The following MAPK9 variants were observed in gnomAD, a reference collection of about 807,000 sequenced individuals.
MAPK9 encodes Jun kinase.
A neutral mutation model predicts 57.1 loss-of-function variants in MAPK9; 30 were observed. That is an observed-to-expected ratio of 0.53 (90% CI 0.39 to 0.71). The LOEUF (loss-of-function observed/expected upper bound fraction) is 0.71. Ranked by LOEUF, MAPK9 falls within the 30% of genes least tolerant of loss-of-function variation. The pLI, the probability that MAPK9 is intolerant of heterozygous loss-of-function variation, is 0.00. For synonymous variants in MAPK9, 155 were observed against 177.0 expected, an observed-to-expected ratio of 0.88 and a Z score of 0.99; for missense variants, 362 against 521.0, an observed-to-expected ratio of 0.69 and a Z score of 2.97.
At position 180,272,747 on chromosome 5, in the gene MAPK9, G is replaced by A. The variant is rs189376414; in HGVS notation, c.123-3338C>T. Among the ~76,000 whole-genome samples, 5 of 152,278 alleles carry A rather than the reference G, an allele frequency of 3.3e-5. No individual in the cohort carries two copies. In the South Asian group the frequency reaches 6.2e-4, roughly 19 times the overall value. On this transcript the variant is annotated intron_variant, in intron 2 of 11. Transcript: ENST00000452135. The stretch of plus-strand genomic sequence containing the variant: ...ATAACTATATCACATTACGTTGATA[G>A]ATATTTCAGTTGTTTTTAGTTTTCA...
intron 2 of MAPK9, among the ~76,000 whole-genome samples, chr5:180,272,180 T>C (rs1434333601): frequency 2.6e-5 from 4 of 152,210 alleles, no homozygotes; most frequent in Non-Finnish European, 5.9e-5. Context: ...CAGTCCCCAC[T>C]GCTTCTTGCA....
intron 2 of MAPK9, among the ~76,000 whole-genome samples, chr5:180,271,611 G>A (rs193035638): frequency 1.8e-3 from 274 of 152,260 alleles, no homozygotes; most frequent in African/African-American, 6.4e-3. Context: ...TCATAACTAA[G>A]TCTTCTGTAT....
intron 5 of MAPK9, among the ~76,000 whole-genome samples, chr5:180,261,026 G>T (rs1407968865): frequency 1.3e-5 from 2 of 152,066 alleles, no homozygotes; most frequent in African/African-American, 4.8e-5. Context: ...AGCTTAGAGA[G>T]AATTATATTA....
chr5:180,281,994 C>T (rs567517036), intron 1 of MAPK9, among the ~76,000 whole-genome samples: 1 of 152,324 alleles, frequency 6.6e-6, no homozygotes, highest in Non-Finnish European at 1.5e-5. Context: ...TGAGCTGGAA[C>T]ACCTGCCTAG....
At chr5:180,255,742 G>T (rs897596625) in intron 5 of MAPK9, among the ~76,000 whole-genome samples, 1 of 152,140 alleles carries the variant, frequency 6.6e-6, no homozygotes, top group African/African-American at 2.4e-5. Flanking sequence ...GTGAGGGCTG[G>T]GTTGGTAAGA....
chr5:180,268,836 A>AG (rs1175396804), intron 3 of MAPK9, among the ~76,000 whole-genome samples: 19 of 149,166 alleles, frequency 1.3e-4, no homozygotes, highest in Admixed American at 4.0e-4. Context: ...CCAAAAAAAA[A>AG]GAATGTTATC....
intron 2 of MAPK9, among the ~76,000 whole-genome samples, chr5:180,272,414 C>G (rs2127610586): frequency 6.6e-6 from 1 of 152,308 alleles, no homozygotes; most frequent in East Asian, 1.9e-4. Context: ...TGTACTGATT[C>G]CTTTGCTTCT....
intron 3 of MAPK9, 30 bp from the exon 4 acceptor site, chr5:180,264,869 T>A (rs761905364): frequency 2.0e-6 from 3 of 1,473,320 alleles, no homozygotes; most frequent in Non-Finnish European, 2.8e-6. Context: ...TATACTTCAA[T>A]ATGTCAGATT....
At chr5:180,252,111 G>A (rs1056244687) in intron 5 of MAPK9, among the ~76,000 whole-genome samples, 2 of 152,152 alleles carry the variant, frequency 1.3e-5, no homozygotes, top group Non-Finnish European at 2.9e-5. Context: ...AGGGGTCAGG[G>A]CATAAGTGAA....
chr5:180,255,678 G>A (rs1484198873), intron 5 of MAPK9, among the ~76,000 whole-genome samples: 2 of 152,120 alleles, frequency 1.3e-5, no homozygotes, highest in African/African-American at 2.4e-5. Context: ...ATGACGCAAC[G>A]AGCCAAACAC....
At chr5:180,238,511 AT>A in intron 10 of MAPK9, 108 bp from the exon 11 acceptor site, 1 of 772,918 alleles carries the variant, frequency 1.3e-6, no homozygotes, top group South Asian at 1.6e-5. Context: ...GCGATTTGTT[AT>A]TTTTAATTGT....
At chr5:180,265,262 A>G (rs1216746234) in intron 3 of MAPK9, among the ~76,000 whole-genome samples, 1 of 152,152 alleles carries the variant, frequency 6.6e-6, no homozygotes. Flanking sequence ...TCATATTTTT[A>G]CCTAAAGAGG....
In MAPK9 at chr5:180,247,157, T is replaced by A; in HGVS notation, c.688+282A>T. The A allele has an allele frequency of 2.0e-6, 1 of 488,984 alleles. No individual in the cohort carries two copies. The allele number at this position is 488,984 out of a possible 1,614,324, so 30.3% of individuals were successfully genotyped here. A position where few individuals can be genotyped will look rare whatever the true frequency, so the allele number is the denominator to read the frequency against. On this transcript the variant is annotated intron_variant, in intron 7 of 11. Coordinates refer to ENST00000452135, the MANE Select transcript of MAPK9 (RefSeq NM_002752.5). This position sits in a 1 kb window ranked among gnomAD's most constrained non-coding sequence, Gnocchi z 4.5. ...ACTTATCAAAGAGTAAATAATTTCT[T>A]CTATGTGTCCAGCTATTTTTGGCAA...
At chr5:180,252,006 G>A (rs1758762486) in intron 5 of MAPK9, among the ~76,000 whole-genome samples, 1 of 152,144 alleles carries the variant, frequency 6.6e-6, no homozygotes, top group Non-Finnish European at 1.5e-5. Context: ...CACTCTTGAG[G>A]ATGAATGGAC....
intron 2 of MAPK9, chr5:180,279,818 C>T (rs1202194223): frequency 3.1e-5 from 14 of 456,304 alleles, no homozygotes; most frequent in South Asian, 9.3e-5. Context: ...CGTGATGCTG[C>T]GGCGGCTGAC....
chr5:180,286,148 C>CG (rs1554129676), intron 1 of MAPK9, among the ~76,000 whole-genome samples: 1 of 111,590 alleles, frequency 9.0e-6, no homozygotes, highest in African/African-American at 3.5e-5. Flanking sequence ...TCTTTCTTTT[C>CG]TTTTTTTTTT....
chr5:180,244,090 C>G (rs1168633860), intron 7 of MAPK9, among the ~76,000 whole-genome samples: 1 of 152,168 alleles, frequency 6.6e-6, no homozygotes, highest in East Asian at 1.9e-4. Context: ...CTCAAGTGAT[C>G]TGCCTGCCTC....
intron 1 of MAPK9, among the ~76,000 whole-genome samples, chr5:180,281,063 T>C (rs1055127107): frequency 6.6e-6 from 1 of 152,162 alleles, no homozygotes; most frequent in Non-Finnish European, 1.5e-5. Context: ...TTCTGCTCAG[T>C]GTATAGATTC....
chr5:180,248,252 GA>G (rs1758320465), intron 6 of MAPK9, among the ~76,000 whole-genome samples: 1 of 152,218 alleles, frequency 6.6e-6, no homozygotes, highest in Admixed American at 6.5e-5. Context: ...GGGCCGAGGG[GA>G]GAAGTGAACA....
Sources: gnomAD v4.1 joint callset for allele counts (sites outside exome capture counted in the v4.1 genomes callset) on GRCh38, gnomAD v4.1.1 for gene constraint, Gnocchi (gnomAD v3.1) non-coding constraint, MANE v1.5 for transcripts, NCBI Gene and HGNC (gene_info 2026-07-23, HGNC 2026-07-21) for gene names.